Variants in WDR83 observed in about 807,000 individuals in gnomAD.
WDR83 encodes the protein WD repeat domain-containing protein 83.
Under a neutral mutation model 37.7 loss-of-function variants are expected in WDR83, and 37 were observed. The observed-to-expected ratio is 0.98, with a 90% CI of 0.76 to 1.29. The LOEUF (loss-of-function observed/expected upper bound fraction) is 1.29, where lower values mean the gene tolerates loss of function less well. Ranked by LOEUF, WDR83 falls within the 50% of genes most tolerant of loss-of-function variation. The pLI, the probability that WDR83 is intolerant of heterozygous loss-of-function variation, is 0.00. For missense variants in WDR83, 445 were observed against 414.4 expected, an observed-to-expected ratio of 1.07 and a Z score of -0.64; for synonymous variants, 174 against 181.1, an observed-to-expected ratio of 0.96 and a Z score of 0.31.
intron 8 of WDR83, 32 bp downstream of exon 8, chr19:12,672,946 G>T (rs1421560440): frequency 1.9e-6 from 3 of 1,595,412 alleles, no homozygotes; most frequent in Non-Finnish European, 2.6e-6. Flanking sequence ...GGACAGGCAG[G>T]GAAGATGGGG....
Position 12,666,972 on chromosome 19 carries a change from AC to A in WDR83, c.-176del. Reference sequence around the variant, plus strand: ...TGCCTCTTAATGCCGGAATTCCAAGACGGAATGCCTCTTAATGCCGGTAGGA... The same window carrying A: ...TGCCTCTTAATGCCGGAATTCCAAGAGGAATGCCTCTTAATGCCGGTAGGA... On this transcript the variant is annotated 5_prime_UTR_variant, in exon 1 of 11. It introduces an in-frame stop codon into an upstream open reading frame of the 5' UTR. Coordinates refer to ENST00000418543, the MANE Select transcript of WDR83 (RefSeq NM_001099737.3). 2 of 547,900 alleles carry A rather than the reference AC, an allele frequency of 3.7e-6. No individual in the cohort carries two copies. The highest frequency in any genetic ancestry group is 3.3e-5 in the Admixed American group (1 of 30,130). 33.9% of individuals were successfully genotyped at this position (547,900 alleles called of 1,614,324 possible).
chr19:12,673,241 C>G lies in WDR83; in HGVS notation c.723C>G (p.Cys241Trp), dbSNP rs1291545797. The change falls in exon 10 of 11, where the codon TGC becomes TGG. Residue 241 changes from cysteine (C) to tryptophan (W), a missense_variant. Physicochemically the swap from Cys to Trp is radical, Grantham distance 215. Transcript: ENST00000418543. ...GHKNQEYKLDCCLSERDTHVV... is the reference protein window; with the variant it reads ...GHKNQEYKLDWCLSERDTHVV... ...AGAACCAGGAATACAAGCTGGACTGCTGCCTGAGCGAGCGTGACACACATG... is the reference window on the plus strand; with the variant it reads ...AGAACCAGGAATACAAGCTGGACTGGTGCCTGAGCGAGCGTGACACACATG... The G allele has an allele frequency of 6.2e-7, 1 of 1,614,040 alleles. No individual in the cohort carries two copies. Among genetic ancestry groups the G allele is most frequent in the South Asian group, 1.1e-5 (1 of 91,076 alleles).
At chr19:12,667,124 G>C (rs2024274112) in intron 1 of WDR83, 132 bp downstream of exon 1, 1 of 234,846 alleles carries the variant, frequency 4.3e-6, no homozygotes, top group African/African-American at 2.4e-5. Flanking sequence ...TTGCCTAAGA[G>C]GAGGATCTGA....
At chr19:12,667,249 T>A (rs1599362564) in intron 1 of WDR83, among the ~76,000 whole-genome samples, 1 of 152,008 alleles carries the variant, frequency 6.6e-6, no homozygotes, top group East Asian at 1.9e-4. Context: ...GAAAAGAGGG[T>A]CTGACAAGTG....
Position 12,668,584 on chromosome 19 carries a change from A to G in WDR83, c.-80A>G, listed in dbSNP as rs757423253. 2.5e-6 allele frequency: 4 copies of G among 1,614,060 alleles called. No homozygotes were observed. Among genetic ancestry groups the G allele is most frequent in the Non-Finnish European group, 3.4e-6 (4 of 1,180,010 alleles). On this transcript the variant is annotated 5_prime_UTR_variant, in exon 2 of 11. Coordinates refer to ENST00000418543, the MANE Select transcript of WDR83 (RefSeq NM_001099737.3). ...CGAGAGTTGGCAAAGCTGATGAAGG[A>G]GCAGTAGACAGCGACCCAAGCACAC...
rs1427668407 is a variant in WDR83 at position 12,668,491 on chromosome 19, A to G, written c.-156-17A>G. On this transcript the variant is annotated splice_polypyrimidine_tract_variant and intron_variant, in intron 1 of 10. Coordinates refer to ENST00000418543, the MANE Select transcript of WDR83 (RefSeq NM_001099737.3). ...GGGGTCCCCCCACCCCTTACTCAAGAGTCACTTGTTCTGTAGGGCAAGTCT... is the reference window on the plus strand; with the variant it reads ...GGGGTCCCCCCACCCCTTACTCAAGGGTCACTTGTTCTGTAGGGCAAGTCT... 1 of 1,613,582 alleles carries G rather than the reference A, an allele frequency of 6.2e-7. No homozygotes were observed. The highest frequency in any genetic ancestry group is 1.7e-5 in the Admixed American group (1 of 59,938).
At chr19:12,671,185 A>C (rs1204633550) in intron 7 of WDR83, 1 of 205,058 alleles carries the variant, frequency 4.9e-6, no homozygotes, top group East Asian at 1.1e-4. Context: ...AAAATTAGCC[A>C]GGTGTGGTGA....
At chr19:12,670,905 A>C in intron 7 of WDR83, 84 bp downstream of exon 7, 37 of 1,527,820 alleles carry the variant, frequency 2.4e-5, no homozygotes, top group Non-Finnish European at 3.2e-5. Context: ...ACCTACTCTC[A>C]GCTGGGCACA....
rs1438984786 is a variant in WDR83 at position 12,672,883 on chromosome 19, G to A, written c.543G>A (p.Arg181=). The part of the protein sequence containing the change: ...VDGRVRRYDL[R]MGQLFSDYVG... ...GCCGCGTGAGACGCTATGACCTAAGGATGGGGCAGCTCTTCTCAGACTACG... is the reference window on the plus strand; with the variant it reads ...GCCGCGTGAGACGCTATGACCTAAGAATGGGGCAGCTCTTCTCAGACTACG... Residue 181 remains arginine, a synonymous_variant, in exon 8 of 11, where the codon AGG becomes AGA. Transcript: ENST00000418543. 1.9e-6 allele frequency: 3 copies of A among 1,596,740 alleles called. No homozygotes were observed. Among genetic ancestry groups the A allele is most frequent in the African/African-American group, 2.7e-5 (2 of 74,654 alleles).
chr19:12,667,031 T>G (rs907983847), intron 1 of WDR83, 39 bp downstream of exon 1: 2 of 410,478 alleles, frequency 4.9e-6, no homozygotes, highest in Non-Finnish European at 8.9e-6. Flanking sequence ...GGCCGGGTTT[T>G]CCTAGCCGGT....
At position 12,669,919 on chromosome 19, in the gene WDR83, GTCC is replaced by G. The variant is rs1476316791; in HGVS notation, c.103+33_103+35del. 3.7e-6 allele frequency: 6 copies of G among 1,601,510 alleles called. No individual in the cohort carries two copies. In the African/African-American group the frequency reaches 4.0e-5, roughly 11 times the overall value. ...GTGAGCGCCTTCGTCTTCATTCCGGGTCCTCCTCCCGCCTCCTGAGATCGACGG... is the reference window on the plus strand; with the variant it reads ...GTGAGCGCCTTCGTCTTCATTCCGGGTCCTCCCGCCTCCTGAGATCGACGG... On this transcript the variant is annotated intron_variant, in intron 3 of 10. Coordinates refer to ENST00000418543, the MANE Select transcript of WDR83 (RefSeq NM_001099737.3).
At chr19:12,667,808 CA>C (rs2024296054) in intron 1 of WDR83, among the ~76,000 whole-genome samples, 5 of 151,314 alleles carry the variant, frequency 3.3e-5, no homozygotes, top group Admixed American at 1.3e-4. Context: ...CATGACAGAT[CA>C]AGACCATTTT....
At chr19:12,674,105 G>C (rs2024500177) in intron 10 of WDR83, among the ~76,000 whole-genome samples, 1 of 152,236 alleles carries the variant, frequency 6.6e-6, no homozygotes, top group African/African-American at 2.4e-5. Context: ...AAAGGCTTCA[G>C]GGTGGCGGCA....
intron 10 of WDR83, among the ~76,000 whole-genome samples, chr19:12,673,759 C>T (rs569871067): frequency 2.6e-5 from 4 of 152,088 alleles, no homozygotes; most frequent in South Asian, 4.2e-4. Flanking sequence ...AATGCAGTGG[C>T]GCCATCTCAG....
chr19:12,672,345 A>T, intron 7 of WDR83: 1 of 182,578 alleles, frequency 5.5e-6, no homozygotes, highest in Non-Finnish European at 1.2e-5. Context: ...GGGGTGGCTC[A>T]CACCTGTAAT....
intron 1 of WDR83, among the ~76,000 whole-genome samples, chr19:12,667,798 C>A (rs2024295553): frequency 6.6e-6 from 1 of 151,214 alleles, no homozygotes; most frequent in Non-Finnish European, 1.5e-5. Flanking sequence ...ACTCAGCCTG[C>A]ATGACAGATC....
intron 7 of WDR83, chr19:12,672,482 C>T (rs2024452274): frequency 6.8e-6 from 2 of 293,016 alleles, no homozygotes; most frequent in South Asian, 6.6e-5. Context: ...GTGGTGCATG[C>T]CTGTATTCCC....
chr19:12,668,028 C>A, intron 1 of WDR83: 1 of 285,946 alleles, frequency 3.5e-6, no homozygotes, highest in Non-Finnish European at 6.9e-6. Context: ...GAGCCCTTCC[C>A]GCCAGGTAGG....
rs764991631 is a variant in WDR83 at position 12,675,579 on chromosome 19, C to T, written c.855C>T (p.Tyr285=). ...CCGGTGTGGTGCAGTCGCTGGCCTACCACCCAACAGAGCCCTGCCTGCTGA... is the reference window on the plus strand; with the variant it reads ...CCGGTGTGGTGCAGTCGCTGGCCTATCACCCAACAGAGCCCTGCCTGCTGA... ...VGSGVVQSLA[Y]HPTEPCLLTA... Residue 285 remains tyrosine, a synonymous_variant, in exon 11 of 11, where the codon TAC becomes TAT. Coordinates refer to ENST00000418543, the MANE Select transcript of WDR83 (RefSeq NM_001099737.3). 1.9e-6 allele frequency: 3 copies of T among 1,606,082 alleles called. No individual in the cohort carries two copies. In the Admixed American group the frequency reaches 5.0e-5, roughly 27 times the overall value.
Sources: allele counts gnomAD v4.1 joint callset (sites outside exome capture counted in the v4.1 genomes callset), GRCh38; gene constraint gnomAD v4.1.1; transcripts MANE v1.5; gene names NCBI Gene and HGNC (gene_info 2026-07-23, HGNC 2026-07-21).